Variants in NRSN1 observed in about 807,000 individuals in gnomAD.
NRSN1 encodes neurensin-1.
A neutral mutation model predicts 17.3 loss-of-function variants in NRSN1; 14 were observed. That is an observed-to-expected ratio of 0.81 (90% CI 0.54 to 1.27). NRSN1 has a LOEUF of 1.27. NRSN1 is among the 50% of genes most tolerant of loss of function. The pLI is 0.00. For missense variants in NRSN1, 209 were observed against 235.9 expected (o/e 0.89, Z 0.75); for synonymous variants, 79 against 94.2 (o/e 0.84, Z 0.93).
At position 24,146,369 on chromosome 6, in the gene NRSN1, G is replaced by A. The variant is rs1185217670; in HGVS notation, c.*423G>A. 6.8e-6 allele frequency: 3 copies of A among 443,700 alleles called. No homozygotes were observed. The highest frequency in any genetic ancestry group is 1.7e-5 in the South Asian group (1 of 58,224). The allele number at this position is 443,700 out of a possible 1,614,324, so 27.5% of individuals were successfully genotyped here. A position where few individuals can be genotyped will look rare whatever the true frequency, so the allele number is the denominator to read the frequency against. On this transcript the variant is annotated 3_prime_UTR_variant, in exon 4 of 4. Coordinates refer to ENST00000378491, the MANE Select transcript of NRSN1 (RefSeq NM_080723.5). ...CTGTCTTCCATTCCTGTCTCACTAT[G>A]TGTAAGATTTTGTCATATGTGTTCA...
chr6:24,132,039 G>GA (rs1760041457), intron 2 of NRSN1, among the ~76,000 whole-genome samples: 1 of 152,058 alleles, frequency 6.6e-6, no homozygotes, highest in East Asian at 1.9e-4. Flanking sequence ...ACCTGAAACA[G>GA]AAAAAAGCAC....
intron 3 of NRSN1, among the ~76,000 whole-genome samples, chr6:24,138,033 A>G (rs976649213): frequency 1.3e-5 from 2 of 152,180 alleles, no homozygotes; most frequent in African/African-American, 4.8e-5. Context: ...CTGGGAATGC[A>G]TACAAAAGCC....
At chr6:24,142,572 G>A (rs1760227367) in intron 3 of NRSN1, among the ~76,000 whole-genome samples, 1 of 151,984 alleles carries the variant, frequency 6.6e-6, no homozygotes, top group Admixed American at 6.5e-5. Flanking sequence ...TGATTCTCCT[G>A]CCTCAGACTC....
At chr6:24,135,211 A>C (rs1391853722) in intron 3 of NRSN1, among the ~76,000 whole-genome samples, 2 of 152,228 alleles carry the variant, frequency 1.3e-5, no homozygotes, top group African/African-American at 4.8e-5. Context: ...AATGTTAGGT[A>C]GTGATAGTGC....
At position 24,145,141 on chromosome 6, in the gene NRSN1, A is replaced by C. The variant is rs1425164101; in HGVS notation, c.190-407A>C. The stretch of plus-strand genomic sequence containing the variant: ...ATAATATACATATCTTTAGACATAT[A>C]ATATATAATATATATATCTTTGGAC... On this transcript the variant is annotated intron_variant, in intron 3 of 3. Transcript: ENST00000378491. This position sits in a 1 kb window ranked among gnomAD's most constrained non-coding sequence, Gnocchi z 4.4. 6.9e-6 allele frequency among the ~76,000 whole-genome samples: 1 copy of C among 145,026 alleles called. No individual in the cohort carries two copies. Among genetic ancestry groups the C allele is most frequent in the East Asian group, 2.0e-4 (1 of 5,122 alleles).
chr6:24,144,100 G>A (rs1022702535), intron 3 of NRSN1, among the ~76,000 whole-genome samples: 2 of 152,104 alleles, frequency 1.3e-5, no homozygotes, highest in East Asian at 3.9e-4. Context: ...CTGCTATTCT[G>A]AACACTTCCT....
At position 24,134,405 on chromosome 6, in the gene NRSN1, C is replaced by T. The variant is rs1760085839; in HGVS notation, c.78C>T (p.Val26=). 6.2e-7 allele frequency: 1 copy of T among 1,613,998 alleles called. No homozygotes were observed. Among genetic ancestry groups the T allele is most frequent in the Admixed American group, 1.7e-5 (1 of 59,996 alleles). The change falls in exon 3 of 4, where the codon GTC becomes GTT. Residue 26 remains valine, a synonymous_variant. Coordinates refer to ENST00000378491, the MANE Select transcript of NRSN1 (RefSeq NM_080723.5). ...AAEGGYQRYG[V]RSYLHQFYED... ...AGGGTGGTTACCAGCGCTATGGAGT[C>T]CGGTCCTACCTGCACCAGTTTTATG...
At chr6:24,132,113 A>T (rs1287091580) in intron 2 of NRSN1, among the ~76,000 whole-genome samples, 3 of 152,206 alleles carry the variant, frequency 2.0e-5, no homozygotes, top group African/African-American at 7.2e-5. Flanking sequence ...ATTGGTCATC[A>T]TTAATAGCAC....
intron 3 of NRSN1, among the ~76,000 whole-genome samples, chr6:24,142,858 A>G (rs1202954074): frequency 1.3e-5 from 2 of 152,186 alleles, no homozygotes; most frequent in South Asian, 2.1e-4. Context: ...AAGAGACCAG[A>G]GCAGGTTGCG....
intron 3 of NRSN1, among the ~76,000 whole-genome samples, chr6:24,142,212 T>TTTC (rs1760221087): frequency 4.5e-5 from 6 of 134,602 alleles, no homozygotes; most frequent in Non-Finnish European, 9.9e-5. Context: ...TTTTTTTTTT[T>TTTC]TTCAGAAGAC....
At chr6:24,142,928 A>C (rs1760239100) in intron 3 of NRSN1, among the ~76,000 whole-genome samples, 1 of 152,156 alleles carries the variant, frequency 6.6e-6, no homozygotes. Flanking sequence ...CATCCTGCTG[A>C]TTGGTCCATT....
intron 3 of NRSN1, among the ~76,000 whole-genome samples, chr6:24,144,917 A>C (rs1760275957): frequency 6.6e-6 from 1 of 151,600 alleles, no homozygotes; most frequent in African/African-American, 2.4e-5. Flanking sequence ...CTTTTCCTCA[A>C]GACCAAATGA....
chr6:24,129,345 G>C (rs1287679111), intron 2 of NRSN1: 1 of 152,158 alleles, frequency 6.6e-6, no homozygotes. Flanking sequence ...GAAGGAAGGG[G>C]AGGATGAAAA....
In NRSN1 at chr6:24,145,830, A is replaced by G; in HGVS notation, c.472A>G (p.Ile158Val). ...CCTCCAGCAGAAGTTTAAAGAACGA[A>G]TCGCAGACATCAAAGCCCACACCCA... ...KFLQQKFKER[I>V]ADIKAHTQPV... The change falls in exon 4 of 4, where the codon ATC becomes GTC. Residue 158 changes from isoleucine to valine, a missense_variant. Ile to Val is a conservative substitution (Grantham distance 29, BLOSUM62 3). Transcript: ENST00000378491. The surrounding 1 kb of genome is among the most constrained non-coding windows in gnomAD (Gnocchi z 4.4). 1.2e-6 allele frequency: 2 copies of G among 1,614,220 alleles called. No homozygotes were observed. The highest frequency in any genetic ancestry group is 1.7e-6 in the Non-Finnish European group (2 of 1,180,036).
In NRSN1 at chr6:24,142,973, G is replaced by A. The variant is rs1760239683; in HGVS notation, c.190-2575G>A. ...GCTGATTGGTCCATTTTTACAGAGT[G>A]TGGATTGGTGCATTTACAAACCCTT... On this transcript the variant is annotated intron_variant, in intron 3 of 3. Transcript: ENST00000378491. 3.3e-5 allele frequency among the ~76,000 whole-genome samples: 5 copies of A among 151,248 alleles called. No individual in the cohort carries two copies. The South Asian group carries it at 1.1e-3, about 32-fold the overall frequency.
intron 2 of NRSN1, among the ~76,000 whole-genome samples, chr6:24,132,789 C>T (rs147273961): frequency 2.6e-5 from 4 of 152,224 alleles, no homozygotes; most frequent in African/African-American, 9.6e-5. Flanking sequence ...AACCCATCAC[C>T]TAGGTTTTAA....
chr6:24,130,441 T>A (rs1324800446), intron 2 of NRSN1, among the ~76,000 whole-genome samples: 1 of 152,190 alleles, frequency 6.6e-6, no homozygotes, highest in Non-Finnish European at 1.5e-5. Context: ...CCCTAGGAGA[T>A]GTATAACTCT....
chr6:24,129,080 C>T (rs1350293179), intron 2 of NRSN1: 2 of 152,204 alleles, frequency 1.3e-5, no homozygotes, highest in East Asian at 1.9e-4. Context: ...ATTGATACTA[C>T]AGTCTATTGG....
Position 24,145,776 on chromosome 6 carries a change from G to C in NRSN1, c.418G>C (p.Val140Leu), listed in dbSNP as rs1760293880. The change falls in exon 4 of 4, where the codon GTA becomes CTA. Residue 140 changes from valine (V) to leucine (L), a missense_variant. Physicochemically the swap from Val to Leu is conservative, Grantham distance 32. Coordinates refer to ENST00000378491, the MANE Select transcript of NRSN1 (RefSeq NM_080723.5). This position sits in a 1 kb window ranked among gnomAD's most constrained non-coding sequence, Gnocchi z 4.4. ...AGGGTGCCTGCTGATGTCGGTGTTT[G>C]TAAAGAGCTACTCCAAAGAAGAAAA... ...MAGCLLMSVF[V>L]KSYSKEEKFL... 6.2e-7 allele frequency: 1 copy of C among 1,614,186 alleles called. No homozygotes were observed. Among genetic ancestry groups the C allele is most frequent in the African/African-American group, 1.3e-5 (1 of 75,052 alleles).
Sources: allele counts gnomAD v4.1 joint callset (sites outside exome capture counted in the v4.1 genomes callset), GRCh38; gene constraint gnomAD v4.1.1; non-coding constraint Gnocchi (gnomAD v3.1); transcripts MANE v1.5; gene names NCBI Gene and HGNC (gene_info 2026-07-23, HGNC 2026-07-21).